The following TANGO6 variants were observed in gnomAD, a reference collection of about 807,000 sequenced individuals.
TANGO6 encodes the protein transport and golgi organization 6 homolog, also known as transport and Golgi organization protein 6 homolog.
In TANGO6, 90 loss-of-function variants were observed where a neutral mutation model predicts 114.2. The observed-to-expected ratio is 0.79, with a 90% CI of 0.66 to 0.94. The LOEUF is 0.94. Among genes scored for constraint, TANGO6 ranks in the 40% least tolerant of loss-of-function variants. The probability of loss-of-function intolerance (pLI) is 0.00; values close to 1 mark genes in which losing one functional copy is unlikely to be tolerated. For missense variants in TANGO6, 1,274 were observed against 1,315.3 expected (o/e 0.97, Z 0.49); for synonymous variants, 477 against 509.8 (o/e 0.94, Z 0.87).
intron 11 of TANGO6, among the ~76,000 whole-genome samples, chr16:68,914,891 T>A (rs1409922218): frequency 1.1e-4 from 16 of 151,034 alleles, no homozygotes; most frequent in Non-Finnish European, 2.2e-4. Flanking sequence ...TTTTTTTTTT[T>A]AAACATACAT....
At chr16:68,987,921 T>G (rs907687063) in intron 15 of TANGO6, among the ~76,000 whole-genome samples, 1 of 152,246 alleles carries the variant, frequency 6.6e-6, no homozygotes, top group Non-Finnish European at 1.5e-5. Context: ...TGAGCAACTT[T>G]TCATATGCTT....
intron 14 of TANGO6, among the ~76,000 whole-genome samples, chr16:68,947,247 G>A (rs1393591116): frequency 2.6e-5 from 4 of 152,090 alleles, no homozygotes; most frequent in African/African-American, 9.7e-5. Context: ...CACGAGGTCA[G>A]GAAATCAAGA....
intron 14 of TANGO6, among the ~76,000 whole-genome samples, chr16:68,933,299 C>T (rs762970559): frequency 2.6e-5 from 4 of 152,050 alleles, no homozygotes; most frequent in Admixed American, 1.3e-4. Flanking sequence ...CCTGTAGTCC[C>T]GGTTACTTGG....
At chr16:69,077,526 A>G (rs1269947567) in intron 17 of TANGO6, among the ~76,000 whole-genome samples, 1 of 152,092 alleles carries the variant, frequency 6.6e-6, no homozygotes, top group Admixed American at 6.6e-5. Flanking sequence ...GCTATACCAG[A>G]TTGAAAAAGG....
intron 14 of TANGO6, among the ~76,000 whole-genome samples, chr16:68,963,163 C>T (rs899468105): frequency 2.6e-5 from 4 of 151,498 alleles, no homozygotes; most frequent in Non-Finnish European, 5.9e-5. Flanking sequence ...GTCACCTCAC[C>T]CAGGATACAG....
chr16:69,059,521 T>C (rs1960084709), intron 17 of TANGO6, among the ~76,000 whole-genome samples: 1 of 151,628 alleles, frequency 6.6e-6, no homozygotes, highest in Non-Finnish European at 1.5e-5. Context: ...TCTTTTTTCT[T>C]TTTTTCTCTT....
chr16:68,851,145 G>A (rs1317943723), intron 1 of TANGO6, among the ~76,000 whole-genome samples: 2 of 151,504 alleles, frequency 1.3e-5, no homozygotes, highest in East Asian at 1.9e-4. Context: ...ATTTTTTTCT[G>A]CGTCTTTTAA....
chr16:69,060,079 C>T (rs1373666956), intron 17 of TANGO6, among the ~76,000 whole-genome samples: 1 of 152,138 alleles, frequency 6.6e-6, no homozygotes, highest in South Asian at 2.1e-4. Flanking sequence ...TCTTATGCCT[C>T]GAATGCCTTC....
intron 17 of TANGO6, among the ~76,000 whole-genome samples, chr16:69,061,051 A>G (rs1960108821): frequency 6.6e-6 from 1 of 152,120 alleles, no homozygotes; most frequent in Non-Finnish European, 1.5e-5. Context: ...TCCAAAATCT[A>G]GTATTCAGGT....
intron 17 of TANGO6, among the ~76,000 whole-genome samples, chr16:69,070,387 C>T (rs1379044741): frequency 1.3e-5 from 2 of 151,986 alleles, no homozygotes; most frequent in Non-Finnish European, 2.9e-5. Context: ...AATCCCAGCA[C>T]TTTGGGAGGC....
intron 17 of TANGO6, among the ~76,000 whole-genome samples, chr16:69,063,642 C>CA (rs1960162827): frequency 1.0e-4 from 3 of 29,454 alleles, no homozygotes; most frequent in Non-Finnish European, 2.4e-4. Context: ...GACTCCATCT[C>CA]CAAAAAAAAA....
At chr16:68,931,687 G>A (rs886210222) in intron 14 of TANGO6, among the ~76,000 whole-genome samples, 1 of 152,184 alleles carries the variant, frequency 6.6e-6, no homozygotes, top group African/African-American at 2.4e-5. Flanking sequence ...GAAATATCCA[G>A]AATAGGCAGT....
At chr16:69,079,956 T>G (rs77670841) in intron 17 of TANGO6, among the ~76,000 whole-genome samples, 3,968 of 152,324 alleles carry the variant, frequency 0.026, 167 homozygotes, top group African/African-American at 0.089. Context: ...CACAGTGGCT[T>G]ATGCCTCTAA....
chr16:68,848,009 A>AAC (rs1819343541), intron 1 of TANGO6, among the ~76,000 whole-genome samples: 1 of 151,902 alleles, frequency 6.6e-6, no homozygotes, highest in Admixed American at 6.6e-5. Context: ...CAAAAAAAAA[A>AAC]AAAAAAAAAA....
At chr16:69,067,741 C>T (rs1354796576) in intron 17 of TANGO6, among the ~76,000 whole-genome samples, 1 of 151,758 alleles carries the variant, frequency 6.6e-6, no homozygotes, top group Non-Finnish European at 1.5e-5. Flanking sequence ...AGTTCAAGAC[C>T]AGCCTGACCA....
intron 7 of TANGO6, among the ~76,000 whole-genome samples, chr16:68,896,867 A>G (rs1466404181): frequency 1.3e-5 from 2 of 152,136 alleles, no homozygotes; most frequent in Non-Finnish European, 2.9e-5. Context: ...TGAACTTGGT[A>G]GATACTAGTT....
At chr16:69,048,258 A>AT (rs71383949) in intron 17 of TANGO6, among the ~76,000 whole-genome samples, 7,791 of 111,274 alleles carry the variant, frequency 0.07, 574 homozygotes, top group African/African-American at 0.21. Context: ...AATTTTTTGT[A>AT]TTTTTTTTTT....
chr16:68,901,606 A>G (rs1962786617), intron 8 of TANGO6, among the ~76,000 whole-genome samples: 1 of 152,144 alleles, frequency 6.6e-6, no homozygotes, highest in Non-Finnish European at 1.5e-5. Context: ...CTCCTGCCTC[A>G]GCCTCCTGGG....
intron 17 of TANGO6, among the ~76,000 whole-genome samples, chr16:69,042,021 G>A (rs1310130103): frequency 1.3e-5 from 2 of 152,106 alleles, no homozygotes; most frequent in Non-Finnish European, 1.5e-5. Context: ...TCTTATTTTG[G>A]GGAACTAGGA....
Sources: allele counts gnomAD v4.1 joint callset (sites outside exome capture counted in the v4.1 genomes callset), GRCh38; gene constraint gnomAD v4.1.1; transcripts MANE v1.5; gene names NCBI Gene and HGNC (gene_info 2026-07-23, HGNC 2026-07-21).